Variants in NEBL observed in about 807,000 individuals in gnomAD.
NEBL encodes the protein LIM and SH3 protein 2.
Under a neutral mutation model 140.2 loss-of-function variants are expected in NEBL, and 122 were observed. That is an observed-to-expected ratio of 0.87 (90% CI 0.75 to 1.01). The LOEUF is 1.01. Among genes scored for constraint, NEBL ranks in the 50% least tolerant of loss-of-function variants. The pLI is 0.00. For synonymous variants in NEBL, 436 were observed against 398.9 expected, an observed-to-expected ratio of 1.09 and a Z score of -1.11; for missense variants, 1,365 against 1,231.3, an observed-to-expected ratio of 1.11 and a Z score of -1.62.
At chr10:21,289,895 G>C (rs1843120164) in intron 1 of NEBL, among the ~76,000 whole-genome samples, 1 of 152,150 alleles carries the variant, frequency 6.6e-6, no homozygotes, top group African/African-American at 2.4e-5. Flanking sequence ...GGCTGCTTCT[G>C]TAGCACAACA....
At chr10:20,931,376 T>C (rs1291417759) in intron 4 of NEBL, among the ~76,000 whole-genome samples, 1 of 152,226 alleles carries the variant, frequency 6.6e-6, no homozygotes, top group Admixed American at 6.5e-5. Context: ...ACTGGAGTTT[T>C]ACCAGTATAT....
intron 3 of NEBL, among the ~76,000 whole-genome samples, chr10:20,963,042 A>AC (rs1260578074): frequency 6.7e-6 from 1 of 148,238 alleles, no homozygotes; most frequent in African/African-American, 2.5e-5. Flanking sequence ...ACACACACAC[A>AC]CACACGGAAA....
chr10:21,044,167 C>T (rs775033818), intron 2 of NEBL, among the ~76,000 whole-genome samples: 8 of 152,114 alleles, frequency 5.3e-5, no homozygotes, highest in Middle Eastern at 3.4e-3. Context: ...GAGGCCAAGG[C>T]GGGCGGATCA....
intron 3 of NEBL, among the ~76,000 whole-genome samples, chr10:21,234,977 GAAC>G (rs1281512608): frequency 3.3e-5 from 5 of 152,274 alleles, no homozygotes; most frequent in Admixed American, 1.3e-4. Context: ...GAAGATTATA[GAAC>G]AAGAGCCAGG....
intron 3 of NEBL, among the ~76,000 whole-genome samples, chr10:21,234,649 C>T (rs1209460026): frequency 6.6e-6 from 1 of 152,196 alleles, no homozygotes; most frequent in Non-Finnish European, 1.5e-5. Context: ...CCCCCTCTCT[C>T]TGCTCCAGCC....
intron 5 of NEBL, among the ~76,000 whole-genome samples, chr10:20,871,846 T>G (rs982577172): frequency 1.3e-5 from 2 of 152,116 alleles, no homozygotes; most frequent in African/African-American, 2.4e-5. Context: ...GCAGGCCAAT[T>G]CCATTGGCTT....
At position 20,822,408 on chromosome 10, in the gene NEBL, T is replaced by C. The variant is rs72785575; in HGVS notation, c.1962+800A>G. Among the ~76,000 whole-genome samples, 717 of 151,930 alleles carry C rather than the reference T, an allele frequency of 4.7e-3. 5 individuals carry two copies. The highest frequency in any genetic ancestry group is 7.7e-3 in the Non-Finnish European group (524 of 67,938). ...CTATACCTATTTTCATAAATATATATATTCATAGATATCTATACCTATTTT... is the reference window on the plus strand; with the variant it reads ...CTATACCTATTTTCATAAATATATACATTCATAGATATCTATACCTATTTT... On this transcript the variant is annotated intron_variant, in intron 19 of 27. Transcript: ENST00000377122.
intron 3 of NEBL, among the ~76,000 whole-genome samples, chr10:20,992,225 C>T (rs1163040054): frequency 6.6e-6 from 1 of 152,172 alleles, no homozygotes; most frequent in Non-Finnish European, 1.5e-5. Flanking sequence ...TGTATATGAA[C>T]ATTTTTTATG....
chr10:20,829,073 C>A (rs1840154815), intron 16 of NEBL, among the ~76,000 whole-genome samples: 1 of 151,974 alleles, frequency 6.6e-6, no homozygotes. Flanking sequence ...ATTTAATCAA[C>A]CTGACAAGCA....
chr10:21,110,250 T>A (rs987549146), intron 2 of NEBL, among the ~76,000 whole-genome samples: 14 of 152,168 alleles, frequency 9.2e-5, no homozygotes, highest in Admixed American at 7.9e-4. Flanking sequence ...TTTCCTTCAA[T>A]CTTTGTTAGA....
At chr10:21,098,325 C>T (rs1281096411) in intron 2 of NEBL, among the ~76,000 whole-genome samples, 2 of 152,186 alleles carry the variant, frequency 1.3e-5, no homozygotes, top group Non-Finnish European at 2.9e-5. Flanking sequence ...ACACAAAAGA[C>T]AAAGATCAAA....
At chr10:20,901,815 T>C (rs1177144384), upstream of NEBL, among the ~76,000 whole-genome samples, 1 of 152,182 alleles carries the variant, frequency 6.6e-6, no homozygotes, top group Non-Finnish European at 1.5e-5. Flanking sequence ...CATTCCATCT[T>C]TGCCTCACCT....
chr10:21,237,779 G>A (rs1233695758), intron 3 of NEBL, among the ~76,000 whole-genome samples: 1 of 151,758 alleles, frequency 6.6e-6, no homozygotes, highest in Non-Finnish European at 1.5e-5. Flanking sequence ...GCTAATTTTT[G>A]TATTTTTAAT....
chr10:20,863,593 T>G (rs1843951924), intron 7 of NEBL, among the ~76,000 whole-genome samples: 1 of 152,140 alleles, frequency 6.6e-6, no homozygotes, highest in African/African-American at 2.4e-5. Flanking sequence ...TGCTCTTATT[T>G]TCCTTGCAAA....
chr10:20,966,519 C>T (rs576780149), intron 3 of NEBL, among the ~76,000 whole-genome samples: 5 of 152,310 alleles, frequency 3.3e-5, no homozygotes, highest in South Asian at 2.1e-4. Context: ...ATTTTAAAAA[C>T]GGCCTTTGCT....
At chr10:21,231,538 C>CAA (rs201224705) in intron 3 of NEBL, among the ~76,000 whole-genome samples, 3 of 144,080 alleles carry the variant, frequency 2.1e-5, no homozygotes, top group South Asian at 4.4e-4. Context: ...GACTCTGTCT[C>CAA]AAAAAAAAAC....
chr10:20,961,900 G>GATCT (rs1836069060), intron 3 of NEBL: 2 of 740,854 alleles, frequency 2.7e-6, no homozygotes, highest in Admixed American at 4.2e-5. Context: ...CTCAGCCGGA[G>GATCT]GTGCAGTTAA....
At chr10:21,152,222 G>T (rs4748751) in intron 2 of NEBL, among the ~76,000 whole-genome samples, 6,296 of 152,172 alleles carry the variant, frequency 0.041, 253 homozygotes, top group East Asian at 0.2. Flanking sequence ...ATTCTCTTTC[G>T]TGCTCATCTG....
At chr10:21,141,724 T>A (rs1158346761) in intron 2 of NEBL, among the ~76,000 whole-genome samples, 1 of 152,212 alleles carries the variant, frequency 6.6e-6, no homozygotes, top group Non-Finnish European at 1.5e-5. Flanking sequence ...CCATTCTTAA[T>A]AAAAGTCAGA....
Sources: gnomAD v4.1 joint callset for allele counts (sites outside exome capture counted in the v4.1 genomes callset) on GRCh38, gnomAD v4.1.1 for gene constraint, MANE v1.5 for transcripts, NCBI Gene and HGNC (gene_info 2026-07-23, HGNC 2026-07-21) for gene names.